CREB5: variants seen among roughly 807,000 people sequenced by gnomAD.
The protein encoded by CREB5 is cAMP responsive element binding protein 5.
CREB5 carries 19 observed loss-of-function variants against 57.1 expected under a neutral mutation model. The observed-to-expected ratio is 0.33, with a 90% CI of 0.23 to 0.49. CREB5 has a LOEUF of 0.49. CREB5 is among the 20% of genes least tolerant of loss of function. CREB5 has a pLI of 0.99. For synonymous variants in CREB5, 238 were observed against 238.3 expected (o/e 1.00, Z 0.01); for missense variants, 579 against 671.6 (o/e 0.86, Z 1.52).
chr7:28,578,204 C>A (rs1195644701), intron 5 of CREB5, among the ~76,000 whole-genome samples: 1 of 152,194 alleles, frequency 6.6e-6, no homozygotes, highest in Non-Finnish European at 1.5e-5. Context: ...AGTATGTAGT[C>A]TCCCATAACG....
intron 7 of CREB5, among the ~76,000 whole-genome samples, chr7:28,770,404 C>T (rs1806257994): frequency 6.6e-6 from 1 of 152,116 alleles, no homozygotes; most frequent in African/African-American, 2.4e-5. Context: ...TTTCCACATT[C>T]TCTTATAATT....
intron 7 of CREB5, among the ~76,000 whole-genome samples, chr7:28,776,287 G>T (rs1460599087): frequency 6.7e-6 from 1 of 148,702 alleles, no homozygotes; most frequent in African/African-American, 2.5e-5. Flanking sequence ...ACAATGAGCC[G>T]AGATAGCGCC....
At chr7:28,325,777 G>A (rs1228182422) in intron 1 of CREB5, among the ~76,000 whole-genome samples, 2 of 152,126 alleles carry the variant, frequency 1.3e-5, no homozygotes, top group Admixed American at 6.5e-5. Context: ...TGACTTAAAT[G>A]TCACCCTTGT....
At chr7:28,733,365 A>G (rs976049218) in intron 7 of CREB5, among the ~76,000 whole-genome samples, 8 of 152,114 alleles carry the variant, frequency 5.3e-5, no homozygotes, top group African/African-American at 1.9e-4. Flanking sequence ...AGTTTGGTCC[A>G]GTGTTCCTAC....
rs1383713219 is a variant in CREB5 at position 28,804,273 on chromosome 7, G to A, written c.777G>A (p.Met259Ile). Residue 259 changes from methionine (M) to isoleucine (I), a missense_variant, in exon 8 of 11, where the codon ATG (methionine) becomes ATA (isoleucine). Met to Ile is a conservative substitution (Grantham distance 10). Transcript: ENST00000357727. ...NGNMNTMGHM[M>I]EMMGSRQDQT... ...ACATGAACACCATGGGACACATGAT[G>A]GAGATGATGGGCTCCCGGCAGGACC... The A allele has an allele frequency of 1.2e-6, 2 of 1,614,026 alleles. No homozygotes were observed. The highest frequency in any genetic ancestry group is 3.3e-5 in the Admixed American group (2 of 59,994).
chr7:28,774,830 G>A (rs753258834), intron 7 of CREB5, among the ~76,000 whole-genome samples: 11 of 152,198 alleles, frequency 7.2e-5, no homozygotes, highest in Non-Finnish European at 1.3e-4. Context: ...AATTATGGGT[G>A]TAACTAGCTG....
chr7:28,736,426 C>T (rs1583640386), intron 7 of CREB5, among the ~76,000 whole-genome samples: 1 of 152,326 alleles, frequency 6.6e-6, no homozygotes, highest in East Asian at 1.9e-4. Flanking sequence ...GCCTCAGCCT[C>T]CCAAAGTGCT....
chr7:28,661,787 G>T (rs1799622140), intron 5 of CREB5, among the ~76,000 whole-genome samples: 1 of 152,144 alleles, frequency 6.6e-6, no homozygotes, highest in South Asian at 2.1e-4. Context: ...TGCGCTTACA[G>T]AAAGTTTGAA....
intron 1 of CREB5, among the ~76,000 whole-genome samples, chr7:28,404,787 C>G (rs1700981243): frequency 6.6e-6 from 1 of 152,152 alleles, no homozygotes; most frequent in African/African-American, 2.4e-5. Context: ...CTACTCACTG[C>G]CAATCTCTGG....
chr7:28,338,194 ATACT>A (rs1785863951), intron 1 of CREB5, among the ~76,000 whole-genome samples: 1 of 152,104 alleles, frequency 6.6e-6, no homozygotes, highest in Non-Finnish European at 1.5e-5. Flanking sequence ...GTTTTTCTGC[ATACT>A]TACTATTGCC....
intron 5 of CREB5, among the ~76,000 whole-genome samples, chr7:28,604,741 A>G (rs998407850): frequency 2.6e-5 from 4 of 151,990 alleles, no homozygotes; most frequent in Non-Finnish European, 4.4e-5. Context: ...TTTTTTGTCC[A>G]TTATGATACT....
At chr7:28,651,724 A>G (rs1258365071) in intron 5 of CREB5, among the ~76,000 whole-genome samples, 1 of 152,148 alleles carries the variant, frequency 6.6e-6, no homozygotes, top group Non-Finnish European at 1.5e-5. Context: ...AAATGCACCT[A>G]TGTTTTCAAG....
Position 28,560,925 on chromosome 7 carries a change from C to CGCGTGCGT in CREB5, c.292-9439_292-9438insCGTGCGTG, listed in dbSNP as rs1562797870. On this transcript the variant is annotated intron_variant, in intron 4 of 10. Transcript: ENST00000357727. Reference sequence around the variant, plus strand: ...GCGCGCGTGCGTGTGCGTGTGTGCGCGTGCGTGTGTGCGTGCGTGTGTGTG... The same window carrying CGCGTGCGT: ...GCGCGCGTGCGTGTGCGTGTGTGCGCGCGTGCGTGTGCGTGTGTGCGTGCGTGTGTGTG... Among the ~76,000 whole-genome samples, 6 of 33,478 alleles carry CGCGTGCGT rather than the reference C, an allele frequency of 1.8e-4. 1 individual carries two copies. The highest frequency in any genetic ancestry group is 8.5e-4 in the African/African-American group (5 of 5,896). The allele number at this position is 33,478 out of a possible 152,430, so 22.0% of individuals were successfully genotyped here.
At chr7:28,798,257 T>C (rs1167658333) in intron 7 of CREB5, among the ~76,000 whole-genome samples, 1 of 151,946 alleles carries the variant, frequency 6.6e-6, no homozygotes, top group East Asian at 1.9e-4. Flanking sequence ...TCAGAGTCTA[T>C]AAAGCATAAG....
At chr7:28,622,472 AAC>A (rs1307924154) in intron 5 of CREB5, among the ~76,000 whole-genome samples, 23 of 152,210 alleles carry the variant, frequency 1.5e-4, no homozygotes, top group African/African-American at 5.1e-4. Context: ...GCGTAGAAAG[AAC>A]AAAAAGAAAA....
At chr7:28,796,064 T>C (rs943952109) in intron 7 of CREB5, among the ~76,000 whole-genome samples, 1 of 152,126 alleles carries the variant, frequency 6.6e-6, no homozygotes, top group Non-Finnish European at 1.5e-5. Flanking sequence ...AAATTAACCA[T>C]TTTAAGGTGT....
At chr7:28,575,099 T>C (rs547801084) in intron 5 of CREB5, among the ~76,000 whole-genome samples, 1 of 152,322 alleles carries the variant, frequency 6.6e-6, no homozygotes, top group East Asian at 1.9e-4. Flanking sequence ...CAATCCCAGA[T>C]GCTATGTGTC....
chr7:28,631,977 A>G (rs779417343), intron 5 of CREB5, among the ~76,000 whole-genome samples: 37 of 152,158 alleles, frequency 2.4e-4, no homozygotes, highest in Admixed American at 2.6e-4. Context: ...AAAGGAGTCA[A>G]TGAAAATTCA....
chr7:28,426,434 C>CCAGG (rs1426225042), intron 1 of CREB5, among the ~76,000 whole-genome samples: 1 of 152,202 alleles, frequency 6.6e-6, no homozygotes, highest in Admixed American at 6.5e-5. Flanking sequence ...TGTCTCAAGG[C>CCAGG]CCCTAGGCCC....
Sources: allele counts gnomAD v4.1 joint callset (sites outside exome capture counted in the v4.1 genomes callset), GRCh38; gene constraint gnomAD v4.1.1; transcripts MANE v1.5; gene names NCBI Gene and HGNC (gene_info 2026-07-23, HGNC 2026-07-21).